The following LYST variants were observed in gnomAD, a reference collection of about 807,000 sequenced individuals.
LYST encodes the protein lysosomal-trafficking regulator.
A neutral mutation model predicts 413.6 loss-of-function variants in LYST; 192 were observed. The ratio of observed to expected loss-of-function variants is 0.46; its 90% CI spans 0.41 to 0.52. The LOEUF is 0.52. LYST is among the 20% of genes least tolerant of loss of function. The probability of loss-of-function intolerance (pLI) is 0.00; values close to 1 mark genes in which losing one functional copy is unlikely to be tolerated. For synonymous variants in LYST, 1,525 were observed against 1,567.3 expected (o/e 0.97, Z 0.64); for missense variants, 3,815 against 4,499.9 (o/e 0.85, Z 4.35).
At position 235,804,677 on chromosome 1, in the gene LYST, T is replaced by C. The variant is rs531572216; in HGVS notation, c.3394-12A>G. The C allele has an allele frequency of 8.2e-6, 12 of 1,470,894 alleles. No homozygotes were observed. In the Admixed American group the frequency reaches 1.5e-4, roughly 18 times the overall value. The allele number at this position is 1,470,894 out of a possible 1,614,324, so 91.1% of individuals were successfully genotyped here. The stretch of plus-strand genomic sequence containing the variant: ...TCCACAGACAAGTTCTAAGGTAAAA[T>C]AAAAGAGACTAAGAATATTAATAAC... On this transcript the variant is annotated splice_polypyrimidine_tract_variant and intron_variant, in intron 6 of 52. Transcript: ENST00000389793.
At chr1:235,753,820 A>G (rs1666723529) in intron 25 of LYST, among the ~76,000 whole-genome samples, 1 of 152,198 alleles carries the variant, frequency 6.6e-6, no homozygotes, top group Non-Finnish European at 1.5e-5. Context: ...AGAATCAAAT[A>G]AAGTAATGCA....
chr1:235,770,354 C>T (rs1668548552), intron 19 of LYST, 57 bp from the exon 20 acceptor site: 2 of 1,518,798 alleles, frequency 1.3e-6, no homozygotes, highest in South Asian at 2.2e-5. Context: ...ATGCAGCATG[C>T]TTTTTGGAAG....
chr1:235,847,938 TG>T (rs1430195326), intron 1 of LYST, among the ~76,000 whole-genome samples: 1 of 152,054 alleles, frequency 6.6e-6, no homozygotes, highest in Non-Finnish European at 1.5e-5. Context: ...ACAATAATAG[TG>T]GGGGACTTCA....
chr1:235,843,946 G>C (rs1454482267), intron 1 of LYST, among the ~76,000 whole-genome samples: 1 of 152,118 alleles, frequency 6.6e-6, no homozygotes, highest in African/African-American at 2.4e-5. Flanking sequence ...CAATTCAATA[G>C]TATTAGAGAA....
chr1:235,780,108 A>G (rs1669694315), intron 16 of LYST, among the ~76,000 whole-genome samples: 1 of 152,152 alleles, frequency 6.6e-6, no homozygotes, highest in Non-Finnish European at 1.5e-5. Context: ...TACTGATATT[A>G]AATAATAAGT....
At chr1:235,772,440 C>A (rs1668803995) in intron 19 of LYST, among the ~76,000 whole-genome samples, 2 of 151,710 alleles carry the variant, frequency 1.3e-5, no homozygotes, top group African/African-American at 4.8e-5. Flanking sequence ...TCATCAGTAC[C>A]TACTAGAACC....
chr1:235,799,572 C>G (rs1023778270), intron 10 of LYST, among the ~76,000 whole-genome samples: 2 of 152,098 alleles, frequency 1.3e-5, no homozygotes, highest in Non-Finnish European at 2.9e-5. Context: ...ATCATACAAA[C>G]CAAAATTAAA....
At chr1:235,714,917 TA>T (rs1330051275) in intron 42 of LYST, among the ~76,000 whole-genome samples, 1 of 152,230 alleles carries the variant, frequency 6.6e-6, no homozygotes, top group Non-Finnish European at 1.5e-5. Flanking sequence ...TTTAAAAGGG[TA>T]AATTTTATGG....
chr1:235,841,564 T>C (rs1487682438), intron 1 of LYST, among the ~76,000 whole-genome samples: 1 of 152,084 alleles, frequency 6.6e-6, no homozygotes, highest in Non-Finnish European at 1.5e-5. Context: ...AGAGCCACTT[T>C]ACTAGCATAC....
chr1:235,793,480 T>C, intron 11 of LYST, 23 bp downstream of exon 11: 2 of 1,098,596 alleles, frequency 1.8e-6, no homozygotes, highest in Non-Finnish European at 2.7e-6. Flanking sequence ...CAGTGAAAAA[T>C]GTAAAAATTA....
At chr1:235,800,060 G>A (rs1019643262) in intron 10 of LYST, among the ~76,000 whole-genome samples, 3 of 136,928 alleles carry the variant, frequency 2.2e-5, no homozygotes, top group South Asian at 2.4e-4. Context: ...GGGCCTAAGC[G>A]ATCCTCCCAC....
intron 38 of LYST, among the ~76,000 whole-genome samples, chr1:235,725,157 G>A (rs544736954): frequency 2.6e-4 from 39 of 152,336 alleles, no homozygotes; most frequent in African/African-American, 8.4e-4. Context: ...GAATAGGCCG[G>A]GTGCGGTGGC....
intron 3 of LYST, 54 bp from the exon 4 acceptor site, chr1:235,813,115 T>C: frequency 9.8e-7 from 1 of 1,019,204 alleles, no homozygotes; most frequent in South Asian, 1.3e-5. Flanking sequence ...GACACATCAG[T>C]TCCTAATGTC....
At chr1:235,840,340 T>C (rs1009403201) in intron 1 of LYST, among the ~76,000 whole-genome samples, 9 of 152,154 alleles carry the variant, frequency 5.9e-5, no homozygotes, top group African/African-American at 2.2e-4. Context: ...GCAGCTCAAG[T>C]TGTCACTGAA....
chr1:235,877,377 A>G (rs1239293262), intron 1 of LYST, among the ~76,000 whole-genome samples: 1 of 152,188 alleles, frequency 6.6e-6, no homozygotes, highest in African/African-American at 2.4e-5. Flanking sequence ...CACAGAATTC[A>G]TTTTGTAAAC....
chr1:235,819,607 A>G (rs192215328), intron 3 of LYST, among the ~76,000 whole-genome samples: 184 of 152,290 alleles, frequency 1.2e-3, no homozygotes, highest in African/African-American at 4.3e-3. Context: ...CACCCAATCA[A>G]GAGAAATCAG....
Position 235,759,204 on chromosome 1 carries a change from T to C in LYST, c.6649A>G (p.Ser2217Gly), listed in dbSNP as rs570636993. Reference protein sequence around the residue: ...LGAEPRSEDDSPGDESCPRRP... With the variant: ...LGAEPRSEDDGPGDESCPRRP... The stretch of plus-strand genomic sequence containing the variant: ...CGTGGGCAGGACTCATCCCCAGGAC[T>C]GTCATCTTCTGACCTGGGTTCTGCT... The change falls in exon 23 of 53, where the codon AGT becomes GGT. Residue 2217 changes from serine (S) to glycine (G), a missense_variant. Ser to Gly is a moderately conservative substitution (Grantham distance 56, BLOSUM62 0). Coordinates refer to ENST00000389793, the MANE Select transcript of LYST (RefSeq NM_000081.4). The C allele has an allele frequency of 3.1e-6, 5 of 1,614,148 alleles. No homozygotes were observed. Among genetic ancestry groups the C allele is most frequent in the Admixed American group, 3.3e-5 (2 of 59,982 alleles).
chr1:235,855,562 CA>C (rs1679071508), intron 1 of LYST, among the ~76,000 whole-genome samples: 1 of 152,070 alleles, frequency 6.6e-6, no homozygotes, highest in South Asian at 2.1e-4. Flanking sequence ...CAATTATAAG[CA>C]TGATAGTTTT....
In LYST at chr1:235,753,292, G is replaced by A. The variant is rs1666683381; in HGVS notation, c.7230-18C>T. On this transcript the variant is annotated intron_variant, in intron 25 of 52. Coordinates refer to ENST00000389793, the MANE Select transcript of LYST (RefSeq NM_000081.4). ...GATCAAATCTATAATAAATAATACA[G>A]TTAAGAGCACATTAGAAACAATCAC... The A allele has an allele frequency of 7.4e-7, 1 of 1,349,024 alleles. No individual in the cohort carries two copies. Among genetic ancestry groups the A allele is most frequent in the Non-Finnish European group, 1.1e-6 (1 of 939,224 alleles). 83.6% of individuals were successfully genotyped at this position (1,349,024 alleles called of 1,614,324 possible).
Sources: gnomAD v4.1 joint callset for allele counts (sites outside exome capture counted in the v4.1 genomes callset) on GRCh38, gnomAD v4.1.1 for gene constraint, MANE v1.5 for transcripts, NCBI Gene and HGNC (gene_info 2026-07-23, HGNC 2026-07-21) for gene names.